The following NAA16 variants were observed in gnomAD, a reference collection of about 807,000 sequenced individuals.
NAA16 encodes the protein NARG1-like protein.
In NAA16, 97 loss-of-function variants were observed where a neutral mutation model predicts 110.3. The ratio of observed to expected loss-of-function variants is 0.88; its 90% CI spans 0.75 to 1.04. The LOEUF is 1.04. Ranked by LOEUF, NAA16 falls within the 50% of genes least tolerant of loss-of-function variation. NAA16 has a pLI of 0.00. For synonymous variants in NAA16, 372 were observed against 330.6 expected, an observed-to-expected ratio of 1.13 and a Z score of -1.36; for missense variants, 1,017 against 1,005.1, an observed-to-expected ratio of 1.01 and a Z score of -0.16.
At chr13:41,317,642 A>G (rs947603631) in intron 2 of NAA16, among the ~76,000 whole-genome samples, 22 of 152,226 alleles carry the variant, frequency 1.4e-4, no homozygotes, top group African/African-American at 5.1e-4. Flanking sequence ...GATTCTTTGA[A>G]GGAAATGGAA....
intron 9 of NAA16, among the ~76,000 whole-genome samples, chr13:41,345,188 C>G (rs1374971810): frequency 6.6e-6 from 1 of 152,140 alleles, no homozygotes; most frequent in African/African-American, 2.4e-5. Flanking sequence ...GCTTCCATTT[C>G]TCTTAGGTGT....
intron 4 of NAA16, among the ~76,000 whole-genome samples, chr13:41,321,556 C>G (rs561563510): frequency 1.3e-5 from 2 of 152,192 alleles, no homozygotes; most frequent in Non-Finnish European, 2.9e-5. Context: ...ATTTGATAAA[C>G]TAATAAGGCT....
rs992868310 is a variant in NAA16 at position 41,311,495 on chromosome 13, C to T, written c.-34C>T. The T allele has an allele frequency of 4.4e-6, 7 of 1,573,980 alleles. No individual in the cohort carries two copies. The highest frequency in any genetic ancestry group is 5.2e-6 in the Non-Finnish European group (6 of 1,160,450). On this transcript the variant is annotated 5_prime_UTR_variant, in exon 1 of 20. Transcript: ENST00000379406. Reference sequence around the variant, plus strand: ...AGCGGAGCGCCCGGGCACCTAGCCTCCCTGCCGGCCACCTAGCCTCCCTGC... The same window carrying T: ...AGCGGAGCGCCCGGGCACCTAGCCTTCCTGCCGGCCACCTAGCCTCCCTGC...
At chr13:41,335,579 G>T (rs927867638) in intron 8 of NAA16, among the ~76,000 whole-genome samples, 1 of 152,104 alleles carries the variant, frequency 6.6e-6, no homozygotes, top group African/African-American at 2.4e-5. Context: ...TGTTGTCTTC[G>T]TAATCTGTGA....
In NAA16 at chr13:41,376,270, CAG is replaced by C. The variant is rs1376243955; in HGVS notation, c.*671_*672del. The C allele has an allele frequency of 6.6e-6, 1 of 152,210 alleles. No homozygotes were observed. The highest frequency in any genetic ancestry group is 1.5e-5 in the Non-Finnish European group (1 of 68,056). 9.4% of individuals were successfully genotyped at this position (152,210 alleles called of 1,614,324 possible). A position where few individuals can be genotyped will look rare whatever the true frequency, so the allele number is the denominator to read the frequency against. Reference sequence around the variant, plus strand: ...TGCCACTGCACTCCAGCCTGGGCAACAGAGCAAGACTCCATCTCGAAAAAAAG... The same window carrying C: ...TGCCACTGCACTCCAGCCTGGGCAACAGCAAGACTCCATCTCGAAAAAAAG... On this transcript the variant is annotated 3_prime_UTR_variant, in exon 20 of 20. Transcript: ENST00000379406.
intron 12 of NAA16, among the ~76,000 whole-genome samples, chr13:41,359,242 C>G (rs983819217): frequency 6.6e-6 from 1 of 152,156 alleles, no homozygotes; most frequent in Non-Finnish European, 1.5e-5. Flanking sequence ...TTAGCACTTA[C>G]GTGTAAAATT....
chr13:41,356,423 CA>C (rs1451206194), intron 10 of NAA16, among the ~76,000 whole-genome samples: 29 of 138,490 alleles, frequency 2.1e-4, no homozygotes, highest in African/African-American at 7.8e-4. Flanking sequence ...GAAGTCATCG[CA>C]GTGCCATGTC....
In NAA16 at chr13:41,328,814, A is replaced by G; in HGVS notation, c.782A>G (p.Tyr261Cys). 6.2e-7 allele frequency: 1 copy of G among 1,605,594 alleles called. No homozygotes were observed. Among genetic ancestry groups the G allele is most frequent in the East Asian group, 2.2e-5 (1 of 44,688 alleles). ...IDRNAENWCY[Y>C]EGLEKALQIS... ...CGAAATGCAGAAAATTGGTGTTATTATGAAGGCTTGGAAAAAGCTCTACAA... is the reference window on the plus strand; with the variant it reads ...CGAAATGCAGAAAATTGGTGTTATTGTGAAGGCTTGGAAAAAGCTCTACAA... Residue 261 changes from tyrosine (Y) to cysteine (C), a missense_variant, in exon 7 of 20, where the codon TAT becomes TGT. By Grantham distance (194) the Tyr-to-Cys change is radical. Coordinates refer to ENST00000379406, the MANE Select transcript of NAA16 (RefSeq NM_024561.5).
intron 17 of NAA16, 102 bp from the exon 18 acceptor site, chr13:41,373,535 G>A (rs1290311085): frequency 2.4e-5 from 33 of 1,359,802 alleles, no homozygotes; most frequent in South Asian, 1.1e-4. Context: ...TGGGATTACA[G>A]GCGTGAGCCA....
chr13:41,344,978 T>C (rs771902428), intron 9 of NAA16, among the ~76,000 whole-genome samples: 1 of 152,232 alleles, frequency 6.6e-6, no homozygotes. Flanking sequence ...AATGGACTTA[T>C]CTAATATATA....
chr13:41,334,725 A>G (rs1050040324), intron 8 of NAA16, among the ~76,000 whole-genome samples: 2 of 152,200 alleles, frequency 1.3e-5, no homozygotes, highest in African/African-American at 4.8e-5. Context: ...TAGGTGATGT[A>G]TTCACACAGT....
At chr13:41,373,808 T>A (rs199704996) in intron 18 of NAA16, 28 bp downstream of exon 18, 24 of 1,563,348 alleles carry the variant, frequency 1.5e-5, no homozygotes, top group Non-Finnish European at 1.7e-6. Context: ...AGGGTTAAAA[T>A]ACTTATGGAA....
chr13:41,329,426 T>C (rs1240987959), intron 7 of NAA16, among the ~76,000 whole-genome samples: 1 of 151,898 alleles, frequency 6.6e-6, no homozygotes, highest in Non-Finnish European at 1.5e-5. Flanking sequence ...CTGTTAATAT[T>C]CCTAAAATCA....
Position 41,325,694 on chromosome 13 carries a change from T to C in NAA16, c.538-4T>C, listed in dbSNP as rs748698582. 1.9e-6 allele frequency: 3 copies of C among 1,553,732 alleles called. No individual in the cohort carries two copies. The highest frequency in any genetic ancestry group is 2.6e-6 in the Non-Finnish European group (3 of 1,144,970). On this transcript the variant is annotated splice_polypyrimidine_tract_variant and splice_region_variant and intron_variant, in intron 5 of 19. Coordinates refer to ENST00000379406, the MANE Select transcript of NAA16 (RefSeq NM_024561.5). The stretch of plus-strand genomic sequence containing the variant: ...AATAAAGTAATTTGGTCATTTTTTT[T>C]CAGGTTCCTCCAAACAAAATAGATT...
At chr13:41,326,375 A>T (rs6560977) in intron 6 of NAA16, among the ~76,000 whole-genome samples, 144,240 of 152,266 alleles carry the variant, frequency 0.95, 68,390 homozygotes, top group South Asian at 0.99. Flanking sequence ...CTGAGCAATA[A>T]TGTATTAAAT....
intron 12 of NAA16, among the ~76,000 whole-genome samples, chr13:41,359,227 A>G (rs375729331): frequency 2.6e-5 from 4 of 152,206 alleles, no homozygotes; most frequent in South Asian, 4.1e-4. Flanking sequence ...AGAGTATGCT[A>G]TACTTTAGCA....
At chr13:41,365,429 A>G (rs1171410816) in intron 13 of NAA16, among the ~76,000 whole-genome samples, 1 of 152,182 alleles carries the variant, frequency 6.6e-6, no homozygotes, top group Non-Finnish European at 1.5e-5. Context: ...CTCTGTATCT[A>G]TAACCCAAAA....
At chr13:41,350,116 C>G (rs1023780457) in intron 9 of NAA16, among the ~76,000 whole-genome samples, 1 of 151,430 alleles carries the variant, frequency 6.6e-6, no homozygotes, top group African/African-American at 2.4e-5. Context: ...CAAAAAAATA[C>G]AAAAATCAGC....
intron 9 of NAA16, among the ~76,000 whole-genome samples, chr13:41,348,614 G>C: frequency 6.6e-6 from 1 of 152,100 alleles, no homozygotes; most frequent in East Asian, 1.9e-4. Context: ...TTCTTTTCAT[G>C]TCTTTATCAG....
Sources: allele counts gnomAD v4.1 joint callset (sites outside exome capture counted in the v4.1 genomes callset), GRCh38; gene constraint gnomAD v4.1.1; transcripts MANE v1.5; gene names NCBI Gene and HGNC (gene_info 2026-07-23, HGNC 2026-07-21).